SPAG16: variants seen among roughly 807,000 people sequenced by gnomAD.
The protein encoded by SPAG16 is sperm-associated antigen 16 protein.
Under a neutral mutation model 80.4 loss-of-function variants are expected in SPAG16, and 86 were observed. The ratio of observed to expected loss-of-function variants is 1.07; its 90% confidence interval spans 0.90 to 1.28. SPAG16 has a LOEUF of 1.28. Ranked by LOEUF, SPAG16 falls within the 50% of genes most tolerant of loss-of-function variation. The probability of loss-of-function intolerance (pLI) is 0.00; values close to 1 mark genes in which losing one functional copy is unlikely to be tolerated. For synonymous variants in SPAG16, 294 were observed against 265.9 expected (o/e 1.11, Z -1.03); for missense variants, 870 against 765.3 (o/e 1.14, Z -1.61).
At chr2:213,766,755 G>A (rs2068958433) in intron 10 of SPAG16, among the ~76,000 whole-genome samples, 1 of 152,164 alleles carries the variant, frequency 6.6e-6, no homozygotes, top group African/African-American at 2.4e-5. Flanking sequence ...TCTTCGAGAT[G>A]TGCCACACTT....
At chr2:213,985,137 G>A (rs990353607) in intron 12 of SPAG16, among the ~76,000 whole-genome samples, 25 of 152,128 alleles carry the variant, frequency 1.6e-4, no homozygotes, top group African/African-American at 6.0e-4. Flanking sequence ...ATTGAGTGTA[G>A]AAAATAGAAG....
chr2:214,096,279 C>CAA (rs3043745), intron 13 of SPAG16, among the ~76,000 whole-genome samples: 16 of 147,234 alleles, frequency 1.1e-4, no homozygotes, highest in Middle Eastern at 3.5e-3. Flanking sequence ...TTTTTTAATG[C>CAA]AAAAAAAAAA....
At chr2:213,849,074 T>A (rs114393994) in intron 10 of SPAG16, among the ~76,000 whole-genome samples, 178 of 152,276 alleles carry the variant, frequency 1.2e-3, no homozygotes, top group African/African-American at 3.9e-3. Flanking sequence ...TTCTCACAAT[T>A]CTGGATGGTT....
At chr2:213,924,766 A>G (rs556184291) in intron 11 of SPAG16, among the ~76,000 whole-genome samples, 1 of 152,204 alleles carries the variant, frequency 6.6e-6, no homozygotes, top group African/African-American at 2.4e-5. Context: ...AAACTGAAAA[A>G]TCTTTGTCTT....
At chr2:213,289,719 G>A (rs2062193889) in intron 1 of SPAG16, among the ~76,000 whole-genome samples, 1 of 152,206 alleles carries the variant, frequency 6.6e-6, no homozygotes, top group South Asian at 2.1e-4. Context: ...TTTAGATTGA[G>A]TCTGTGTACG....
chr2:213,789,232 T>G (rs993111414), intron 10 of SPAG16, among the ~76,000 whole-genome samples: 1 of 151,968 alleles, frequency 6.6e-6, no homozygotes, highest in Non-Finnish European at 1.5e-5. Flanking sequence ...TTCTGTAGGC[T>G]ATAGTATTTC....
intron 10 of SPAG16, among the ~76,000 whole-genome samples, chr2:213,848,326 G>C (rs879672035): frequency 7.9e-5 from 12 of 152,186 alleles, no homozygotes; most frequent in Admixed American, 7.2e-4. Flanking sequence ...CAGAATTTAA[G>C]ATGCAGAGAT....
intron 11 of SPAG16, among the ~76,000 whole-genome samples, chr2:213,915,335 T>G (rs760300274): frequency 6.6e-6 from 1 of 151,840 alleles, no homozygotes; most frequent in African/African-American, 2.4e-5. Context: ...TGCGTCCATG[T>G]GTTCTCATTG....
intron 10 of SPAG16, among the ~76,000 whole-genome samples, chr2:213,808,450 G>T (rs1039124469): frequency 2.6e-5 from 4 of 152,140 alleles, no homozygotes; most frequent in African/African-American, 7.2e-5. Context: ...GAGACCGGGG[G>T]TATAGGAGGA....
At chr2:213,913,500 G>A (rs1269881815) in intron 11 of SPAG16, among the ~76,000 whole-genome samples, 2 of 144,896 alleles carry the variant, frequency 1.4e-5, no homozygotes, top group African/African-American at 5.6e-5. Flanking sequence ...CTGTGTGTCT[G>A]TGTGTGTGTG....
At chr2:213,409,645 G>C (rs188351742) in intron 9 of SPAG16, among the ~76,000 whole-genome samples, 1 of 151,994 alleles carries the variant, frequency 6.6e-6, no homozygotes, top group African/African-American at 2.4e-5. Flanking sequence ...TATCTACAAA[G>C]TTTTATTAAA....
chr2:214,301,902 G>T (rs1212933123), intron 15 of SPAG16, among the ~76,000 whole-genome samples: 3 of 152,088 alleles, frequency 2.0e-5, no homozygotes, highest in Non-Finnish European at 4.4e-5. Context: ...TCTTTTGGAT[G>T]TAGACATTCA....
intron 9 of SPAG16, among the ~76,000 whole-genome samples, chr2:213,424,066 T>C (rs904272654): frequency 6.6e-6 from 1 of 152,194 alleles, no homozygotes; most frequent in African/African-American, 2.4e-5. Context: ...CATATACTTA[T>C]TCTAGTGATA....
chr2:214,049,903 AAAAAG>A (rs1265500544), intron 13 of SPAG16, among the ~76,000 whole-genome samples: 4 of 152,386 alleles, frequency 2.6e-5, no homozygotes, highest in Admixed American at 1.3e-4. Flanking sequence ...TTGAAAAATA[AAAAAG>A]AGATATAACA....
chr2:213,974,999 T>C (rs1423794512), intron 12 of SPAG16, among the ~76,000 whole-genome samples: 1 of 147,692 alleles, frequency 6.8e-6, no homozygotes, highest in African/African-American at 2.5e-5. Context: ...TTAAGAAAAC[T>C]ACCATAGTAG....
At chr2:213,393,812 G>T (rs114466334) in intron 9 of SPAG16, among the ~76,000 whole-genome samples, 1 of 151,628 alleles carries the variant, frequency 6.6e-6, no homozygotes, top group African/African-American at 2.4e-5. Flanking sequence ...GAAATATGTC[G>T]CCTCACTAGG....
intron 14 of SPAG16, among the ~76,000 whole-genome samples, chr2:214,126,520 A>G (rs958509080): frequency 2.0e-5 from 3 of 151,782 alleles, no homozygotes; most frequent in Non-Finnish European, 4.4e-5. Context: ...CCCTATTCAT[A>G]TATTATCAAC....
chr2:214,299,598 A>G lies in SPAG16; in HGVS notation c.1721-110542A>G, dbSNP rs1694406049. Among the ~76,000 whole-genome samples the G allele has an allele frequency of 2.6e-5, 4 of 152,256 alleles. No homozygotes were observed. The South Asian group carries it at 8.3e-4, about 32-fold the overall frequency. The stretch of plus-strand genomic sequence containing the variant: ...CCAGTCTCTCACTTTTATTAAAGAA[A>G]AAATAATAGTAAAAAATTTATTGGC... On this transcript the variant is annotated intron_variant, in intron 15 of 15. Coordinates refer to ENST00000331683, the MANE Select transcript of SPAG16 (RefSeq NM_024532.5).
intron 15 of SPAG16, among the ~76,000 whole-genome samples, chr2:214,336,524 C>G (rs1301529968): frequency 6.6e-6 from 1 of 151,926 alleles, no homozygotes; most frequent in Non-Finnish European, 1.5e-5. Flanking sequence ...AGCTTAGAAC[C>G]AGGATAACTG....
Sources: allele counts gnomAD v4.1 joint callset (sites outside exome capture counted in the v4.1 genomes callset), GRCh38; gene constraint gnomAD v4.1.1; transcripts MANE v1.5; gene names NCBI Gene and HGNC (gene_info 2026-07-23, HGNC 2026-07-21).